Variants in NOS1AP observed in about 807,000 individuals in gnomAD.
The protein encoded by NOS1AP is nitric oxide synthase 1 adaptor protein, also known as carboxyl-terminal PDZ ligand of neuronal nitric oxide synthase protein.
A neutral mutation model predicts 56.2 loss-of-function variants in NOS1AP; 21 were observed. That is an observed-to-expected ratio of 0.37 (90% confidence interval 0.26 to 0.54). NOS1AP has a LOEUF of 0.54. NOS1AP is among the 20% of genes least tolerant of loss of function. NOS1AP has a pLI of 0.84. For synonymous variants in NOS1AP, 270 were observed against 274.6 expected, an observed-to-expected ratio of 0.98 and a Z score of 0.17; for missense variants, 522 against 657.8, an observed-to-expected ratio of 0.79 and a Z score of 2.26.
rs574845118 is a variant in NOS1AP at position 162,357,797 on chromosome 1, T to C, written c.939+661T>C. ...AAAACTTGTTCGGGGGCTGCTACAT[T>C]ATAGGGGAGGGTGAGCTGATTTCCC... On this transcript the variant is annotated intron_variant, in intron 8 of 9. Transcript: ENST00000361897. 1.3e-3 allele frequency among the ~76,000 whole-genome samples: 201 copies of C among 152,042 alleles called. 2 individuals are homozygous for C. In the South Asian group the frequency reaches 0.024, roughly 18 times the overall value.
chr1:162,237,801 C>T (rs934442143), intron 2 of NOS1AP, among the ~76,000 whole-genome samples: 2 of 152,148 alleles, frequency 1.3e-5, no homozygotes, highest in East Asian at 1.9e-4. Flanking sequence ...TTGAAAAAGT[C>T]GTGTGCTCTA....
chr1:162,341,654 C>T (rs1657108756), intron 5 of NOS1AP, among the ~76,000 whole-genome samples: 1 of 152,134 alleles, frequency 6.6e-6, no homozygotes, highest in South Asian at 2.1e-4. Flanking sequence ...AAAGTCATAC[C>T]TAAGGTTTAG....
Position 162,154,397 on chromosome 1 carries a change from C to T in NOS1AP, c.106-8C>T. 2 of 1,613,900 alleles carry T rather than the reference C, an allele frequency of 1.2e-6. No individual in the cohort carries two copies. The highest frequency in any genetic ancestry group is 8.5e-7 in the Non-Finnish European group (1 of 1,179,838). On this transcript the variant is annotated splice_polypyrimidine_tract_variant and splice_region_variant and intron_variant, in intron 1 of 9. Coordinates refer to ENST00000361897, the MANE Select transcript of NOS1AP (RefSeq NM_014697.3). ...TCCTCTCAATGAGTGTTTGCTTCTC[C>T]CCCACAGTACGTAGGAAGCCTGGAC...
intron 3 of NOS1AP, among the ~76,000 whole-genome samples, chr1:162,291,489 AG>A (rs1245300330): frequency 2.0e-5 from 3 of 151,648 alleles, no homozygotes; most frequent in African/African-American, 4.8e-5. Context: ...CCAGTTTAAA[AG>A]GAAAAAAAAA....
chr1:162,362,457 AAAAG>A (rs1392258979), intron 8 of NOS1AP, among the ~76,000 whole-genome samples: 10 of 131,438 alleles, frequency 7.6e-5, no homozygotes, highest in South Asian at 7.5e-4. Context: ...AAAAAAAAAA[AAAAG>A]AAGAAAAAAG....
intron 1 of NOS1AP, among the ~76,000 whole-genome samples, chr1:162,124,507 G>GTGTGT (rs77245896): frequency 0.11 from 17,225 of 150,512 alleles, 1,925 homozygotes; most frequent in African/African-American, 0.28. Context: ...GTGTGTGTGT[G>GTGTGT]ACACACACAC....
At chr1:162,174,303 G>A (rs535405189) in intron 2 of NOS1AP, among the ~76,000 whole-genome samples, 9 of 150,190 alleles carry the variant, frequency 6.0e-5, no homozygotes, top group African/African-American at 2.0e-4. Context: ...GCAAACTATC[G>A]CAACGACAAA....
At chr1:162,105,447 A>AG (rs1291463997) in intron 1 of NOS1AP, among the ~76,000 whole-genome samples, 1 of 152,178 alleles carries the variant, frequency 6.6e-6, no homozygotes, top group African/African-American at 2.4e-5. Flanking sequence ...ATGCTGCATT[A>AG]GGGGGGTACC....
intron 5 of NOS1AP, among the ~76,000 whole-genome samples, chr1:162,333,644 C>T (rs1656846656): frequency 6.6e-6 from 1 of 152,172 alleles, no homozygotes; most frequent in Non-Finnish European, 1.5e-5. Flanking sequence ...GTCTAACACA[C>T]ACAACTGGGG....
chr1:162,213,025 G>T (rs1259754487), intron 2 of NOS1AP, among the ~76,000 whole-genome samples: 1 of 152,140 alleles, frequency 6.6e-6, no homozygotes, highest in Admixed American at 6.5e-5. Flanking sequence ...AATAATATGG[G>T]GTGGATCTGG....
intron 1 of NOS1AP, among the ~76,000 whole-genome samples, chr1:162,127,843 G>A (rs1026285821): frequency 6.6e-6 from 1 of 152,052 alleles, no homozygotes; most frequent in Non-Finnish European, 1.5e-5. Context: ...CCAACACTGG[G>A]GATTACAATT....
chr1:162,195,090 T>G (rs537451460), intron 2 of NOS1AP, among the ~76,000 whole-genome samples: 4 of 152,130 alleles, frequency 2.6e-5, no homozygotes, highest in Admixed American at 2.0e-4. Context: ...TTTTGTAAAA[T>G]CTGCTTTCTC....
Position 162,356,878 on chromosome 1 carries a change from C to G in NOS1AP, c.763-82C>G, listed in dbSNP as rs1657720099. The G allele has an allele frequency of 1.9e-6, 3 of 1,609,222 alleles. No individual in the cohort carries two copies. In the Admixed American group the frequency reaches 5.0e-5, roughly 27 times the overall value. On this transcript the variant is annotated intron_variant, in intron 7 of 9. Transcript: ENST00000361897. ...GTTGTAAGTGTGCCAATTTGCTCCTCCTGAGTGCATGCCAAAGAGAGGGAG... is the reference window on the plus strand; with the variant it reads ...GTTGTAAGTGTGCCAATTTGCTCCTGCTGAGTGCATGCCAAAGAGAGGGAG...
chr1:162,337,092 A>G (rs1346766180), intron 5 of NOS1AP, among the ~76,000 whole-genome samples: 1 of 152,156 alleles, frequency 6.6e-6, no homozygotes, highest in Non-Finnish European at 1.5e-5. Flanking sequence ...CGTGGAGTGG[A>G]TGTCATCCTC....
At chr1:162,096,315 C>G (rs1692239485) in intron 1 of NOS1AP, among the ~76,000 whole-genome samples, 1 of 152,180 alleles carries the variant, frequency 6.6e-6, no homozygotes, top group Non-Finnish European at 1.5e-5. Context: ...AGAGGTAGCT[C>G]TAATTGTTAG....
At chr1:162,344,257 A>G (rs1657204986) in intron 6 of NOS1AP, among the ~76,000 whole-genome samples, 1 of 152,172 alleles carries the variant, frequency 6.6e-6, no homozygotes, top group Non-Finnish European at 1.5e-5. Context: ...GTTTTCAGTA[A>G]AAAAGCACCC....
intron 6 of NOS1AP, among the ~76,000 whole-genome samples, chr1:162,350,752 G>A (rs879533773): frequency 6.6e-6 from 1 of 152,200 alleles, no homozygotes; most frequent in Non-Finnish European, 1.5e-5. Flanking sequence ...GTACATTAGA[G>A]TTCTGGCCTT....
At chr1:162,258,797 T>C (rs1351694283) in intron 2 of NOS1AP, among the ~76,000 whole-genome samples, 3 of 152,180 alleles carry the variant, frequency 2.0e-5, no homozygotes, top group Non-Finnish European at 4.4e-5. Flanking sequence ...GATAAGTACA[T>C]GGGTCTTTCT....
chr1:162,351,866 A>C (rs1487235743), intron 6 of NOS1AP, among the ~76,000 whole-genome samples: 1 of 152,002 alleles, frequency 6.6e-6, no homozygotes, highest in East Asian at 1.9e-4. Flanking sequence ...TTCAACCTCC[A>C]GTAATCTGGT....
Sources: gnomAD v4.1 joint callset for allele counts (sites outside exome capture counted in the v4.1 genomes callset) on GRCh38, gnomAD v4.1.1 for gene constraint, MANE v1.5 for transcripts, NCBI Gene and HGNC (gene_info 2026-07-23, HGNC 2026-07-21) for gene names.